The following CUX1 variants were observed in gnomAD, a reference collection of about 807,000 sequenced individuals.
CUX1 encodes protein CASP.
Under a neutral mutation model 158.8 loss-of-function variants are expected in CUX1, and 31 were observed. The ratio of observed to expected loss-of-function variants is 0.20; its 90% CI spans 0.15 to 0.26. The LOEUF (loss-of-function observed/expected upper bound fraction) is 0.26, where lower values mean the gene tolerates loss of function less well. CUX1 is among the 10% of genes least tolerant of loss of function. CUX1 has a pLI of 1.00. For synonymous variants in CUX1, 879 were observed against 862.1 expected, an observed-to-expected ratio of 1.02 and a Z score of -0.34; for missense variants, 1,589 against 2,014.6, an observed-to-expected ratio of 0.79 and a Z score of 4.04.
At chr7:102,275,339 C>T (rs764354159) in exon 17 of CUX1, 11 of 1,612,730 alleles carry the variant, frequency 6.8e-6, no homozygotes, top group Admixed American at 6.7e-5. Context: ...CTTCCGTGCC[C>T]GGAACCAGGA....
At chr7:101,919,991 G>A (rs1017723437) in intron 2 of CUX1, among the ~76,000 whole-genome samples, 12 of 152,168 alleles carry the variant, frequency 7.9e-5, no homozygotes, top group Admixed American at 2.0e-4. Context: ...GCAGCGGCAC[G>A]ATCACAGCTC....
rs545324310 is a variant in CUX1 at position 102,239,589 on chromosome 7, G to A, written c.3887+5G>A. The stretch of plus-strand genomic sequence containing the variant: ...CAACTGGTTCCACAACTACAGGTAC[G>A]ACGGCTGGCTCACAGGGAGCGCCGG... On this transcript the variant is annotated splice_donor_5th_base_variant and intron_variant, in intron 23 of 23. Transcript: ENST00000292535. 594 of 1,608,500 alleles carry A rather than the reference G, an allele frequency of 3.7e-4. 12 individuals are homozygous for A. In the South Asian group the frequency reaches 6.2e-3, roughly 17 times the overall value.
intron 1 of CUX1, among the ~76,000 whole-genome samples, chr7:101,912,246 CT>C (rs2129077955): frequency 7.6e-6 from 1 of 131,958 alleles, no homozygotes; most frequent in East Asian, 2.8e-4. Flanking sequence ...TCCCCCCTCC[CT>C]CCTCCTCCTC....
intron 21 of CUX1, among the ~76,000 whole-genome samples, chr7:102,230,356 C>T (rs1160790641): frequency 6.6e-6 from 1 of 151,500 alleles, no homozygotes; most frequent in East Asian, 1.9e-4. Context: ...CATGGTGGCA[C>T]CCGCTGTAAT....
intron 1 of CUX1, among the ~76,000 whole-genome samples, chr7:101,864,113 A>G (rs546254340): frequency 2.8e-4 from 42 of 151,622 alleles, no homozygotes; most frequent in Non-Finnish European, 4.9e-4. Flanking sequence ...AATGGTGCAC[A>G]AGGGTTCCAA....
rs1554518618 is a variant in CUX1, at chr7:102,197,128, A to G, written c.1717A>G (p.Ile573Val). ...GATTAAGCACAATATCGGACAACGTATTTTCGGACATTATGTGTTGGGACT... is the reference window on the plus strand; with the variant it reads ...GATTAAGCACAATATCGGACAACGTGTTTTCGGACATTATGTGTTGGGACT... ...QLIKHNIGQRIFGHYVLGLSQ... is the reference protein window; with the variant it reads ...QLIKHNIGQRVFGHYVLGLSQ... Residue 573 changes from isoleucine to valine, a missense_variant, in exon 15 of 24, where the codon ATT (isoleucine) becomes GTT (valine). By Grantham distance (29) the Ile-to-Val change is conservative. This residue lies in a region of CUX1 where 37 missense variants were observed against 124.9 expected (regional missense o/e 0.30). Transcript: ENST00000292535. 15 of 1,614,188 alleles carry G rather than the reference A, an allele frequency of 9.3e-6. No homozygotes were observed. Among genetic ancestry groups the G allele is most frequent in the Non-Finnish European group, 1.3e-5 (15 of 1,180,038 alleles).
At chr7:102,133,353 C>G (rs1833533879) in intron 8 of CUX1, among the ~76,000 whole-genome samples, 1 of 151,976 alleles carries the variant, frequency 6.6e-6, no homozygotes, top group African/African-American at 2.4e-5. Context: ...TATGCCCACA[C>G]TTACCTGCTG....
intron 1 of CUX1, among the ~76,000 whole-genome samples, chr7:101,885,128 C>G (rs973813167): frequency 2.6e-5 from 4 of 152,240 alleles, no homozygotes; most frequent in Admixed American, 1.3e-4. Context: ...ATTTTGAGGT[C>G]TGTCTCCTTT....
chr7:102,216,560 A>C (rs1554524640), intron 20 of CUX1, among the ~76,000 whole-genome samples: 1 of 88,278 alleles, frequency 1.1e-5, no homozygotes, highest in Non-Finnish European at 2.2e-5. Context: ...ACACACGCAC[A>C]CACACTCCCA....
intron 2 of CUX1, among the ~76,000 whole-genome samples, chr7:102,015,016 TATTA>T (rs1818428407): frequency 6.6e-6 from 1 of 152,174 alleles, no homozygotes; most frequent in Admixed American, 6.6e-5. Context: ...CATCGTTCAT[TATTA>T]ATTATTCCTC....
At chr7:102,162,312 T>C (rs1378655752) in intron 9 of CUX1, among the ~76,000 whole-genome samples, 1 of 151,960 alleles carries the variant, frequency 6.6e-6, no homozygotes, top group Non-Finnish European at 1.5e-5. Context: ...CTTGCTCTGT[T>C]GCCCAGGCTG....
chr7:102,222,345 T>C (rs975428983), intron 20 of CUX1, among the ~76,000 whole-genome samples: 2 of 152,060 alleles, frequency 1.3e-5, no homozygotes, highest in Admixed American at 6.6e-5. Flanking sequence ...AATCACGTGG[T>C]GTTGGCAGAT....
chr7:101,958,073 C>T (rs1263431313), intron 2 of CUX1, among the ~76,000 whole-genome samples: 2 of 152,212 alleles, frequency 1.3e-5, no homozygotes, highest in Non-Finnish European at 2.9e-5. Flanking sequence ...TTTGCTGGAA[C>T]ATGTTTCTGG....
intron 2 of CUX1, among the ~76,000 whole-genome samples, chr7:102,000,765 TTTTTG>T (rs1343777270): frequency 1.3e-5 from 2 of 152,150 alleles, no homozygotes; most frequent in African/African-American, 2.4e-5. Context: ...GAAGGTTTTG[TTTTTG>T]TTTTGTTTTG....
In CUX1 at chr7:102,253,211, A is replaced by G; in HGVS notation, c.*4169A>G. 1 of 985,472 alleles carries G rather than the reference A, an allele frequency of 1.0e-6. No homozygotes were observed. The allele number at this position is 985,472 out of a possible 1,614,324, so 61.0% of individuals were successfully genotyped here. Reference sequence around the variant, plus strand: ...GGTTGGCGGTCCGGGCCCAGAGTGCAGCAGAGCTCTGGGTTAAATATTCCT... The same window carrying G: ...GGTTGGCGGTCCGGGCCCAGAGTGCGGCAGAGCTCTGGGTTAAATATTCCT... On this transcript the variant is annotated 3_prime_UTR_variant, in exon 24 of 24. Transcript: ENST00000292535.
At chr7:102,156,134 G>GCAAAAGC (rs1246713385) in intron 8 of CUX1, among the ~76,000 whole-genome samples, 1 of 152,182 alleles carries the variant, frequency 6.6e-6, no homozygotes, top group Non-Finnish European at 1.5e-5. Context: ...GTTAAAGGCT[G>GCAAAAGC]CAAAAGCCTC....
rs151180390 is a variant in CUX1, at chr7:102,049,858, C to T, written c.190-20481C>T. ...TGGGGACTTAGGAGAGCAAGTCTGG[C>T]CCTGAGATGTGGGACCAGGCATCCC... On this transcript the variant is annotated intron_variant, in intron 3 of 23. Transcript: ENST00000292535. 4.1e-3 allele frequency among the ~76,000 whole-genome samples: 624 copies of T among 152,234 alleles called. 2 individuals are homozygous for T. Among genetic ancestry groups the T allele is most frequent in the Admixed American group, 8.0e-3 (123 of 15,300 alleles).
intron 2 of CUX1, among the ~76,000 whole-genome samples, chr7:101,917,734 C>T (rs1279153616): frequency 1.3e-5 from 2 of 152,180 alleles, no homozygotes; most frequent in Non-Finnish European, 2.9e-5. Context: ...CCACATCCAT[C>T]GTGCTAGCTC....
intron 3 of CUX1, among the ~76,000 whole-genome samples, chr7:102,033,989 T>A (rs921325459): frequency 1.3e-5 from 2 of 151,184 alleles, no homozygotes; most frequent in African/African-American, 4.9e-5. Flanking sequence ...CTACTAAAAA[T>A]ATAAAAATTA....
Sources: gnomAD v4.1 joint callset for allele counts (sites outside exome capture counted in the v4.1 genomes callset) on GRCh38, gnomAD v4.1.1 for gene constraint, gnomAD v4.1.1 regional missense constraint, MANE v1.5 for transcripts, NCBI Gene and HGNC (gene_info 2026-07-23, HGNC 2026-07-21) for gene names.